Variants in DOCK2 observed in about 807,000 individuals in gnomAD.
DOCK2 encodes the protein dedicator of cytokinesis protein 2.
In DOCK2, 87 loss-of-function variants were observed where a neutral mutation model predicts 248.9. The ratio of observed to expected loss-of-function variants is 0.35; its 90% CI spans 0.29 to 0.42. The LOEUF is 0.42. Among genes scored for constraint, DOCK2 ranks in the 10% least tolerant of loss-of-function variants. DOCK2 has a pLI of 1.00. For missense variants in DOCK2, 1,747 were observed against 2,300.2 expected, an observed-to-expected ratio of 0.76 and a Z score of 4.92; for synonymous variants, 805 against 821.6, an observed-to-expected ratio of 0.98 and a Z score of 0.35.
At chr5:169,964,018 AG>A (rs1323130321) in intron 27 of DOCK2, among the ~76,000 whole-genome samples, 1 of 152,108 alleles carries the variant, frequency 6.6e-6, no homozygotes, top group Non-Finnish European at 1.5e-5. Flanking sequence ...TGGAAGTGGC[AG>A]GATTGGGGGA....
At chr5:169,991,830 G>A (rs755505957) in intron 29 of DOCK2, among the ~76,000 whole-genome samples, 1 of 152,212 alleles carries the variant, frequency 6.6e-6, no homozygotes, top group Non-Finnish European at 1.5e-5. Context: ...CTGTTTGAAT[G>A]TGGGGAAATT....
chr5:169,733,580 A>G (rs972151928), intron 22 of DOCK2, among the ~76,000 whole-genome samples: 2 of 152,058 alleles, frequency 1.3e-5, no homozygotes, highest in Admixed American at 1.3e-4. Flanking sequence ...TAGACATTTC[A>G]TATTTGCTTA....
At chr5:169,791,267 G>A (rs911808755) in intron 25 of DOCK2, among the ~76,000 whole-genome samples, 1 of 152,172 alleles carries the variant, frequency 6.6e-6, no homozygotes, top group African/African-American at 2.4e-5. Context: ...AAAAGGTAGC[G>A]AATGGCTTGA....
intron 43 of DOCK2, 187 bp downstream of exon 43, chr5:170,056,955 C>A (rs1409251531): frequency 6.8e-6 from 4 of 592,310 alleles, no homozygotes; most frequent in Non-Finnish European, 1.2e-5. Context: ...ATTTCTTGAG[C>A]CTTTTTCCCC....
intron 27 of DOCK2, among the ~76,000 whole-genome samples, chr5:169,912,147 C>T (rs574709968): frequency 3.3e-5 from 5 of 152,248 alleles, no homozygotes; most frequent in South Asian, 2.1e-4. Context: ...AAAAGGAAAG[C>T]GACTATTATT....
At chr5:169,970,713 T>G (rs1195774142) in intron 27 of DOCK2, among the ~76,000 whole-genome samples, 1 of 152,224 alleles carries the variant, frequency 6.6e-6, no homozygotes, top group East Asian at 1.9e-4. Flanking sequence ...GGTGAAATAA[T>G]CAGGGGAGAT....
intron 26 of DOCK2, among the ~76,000 whole-genome samples, chr5:169,826,052 A>G (rs1049633194): frequency 2.6e-5 from 4 of 152,092 alleles, no homozygotes; most frequent in African/African-American, 9.7e-5. Flanking sequence ...AGTAGTTTAG[A>G]CAATGTTACT....
intron 38 of DOCK2, among the ~76,000 whole-genome samples, chr5:170,044,755 A>T (rs762772652): frequency 2.0e-5 from 3 of 152,062 alleles, no homozygotes; most frequent in Non-Finnish European, 2.9e-5. Flanking sequence ...TTATGCTTGG[A>T]TGCAGAGAGA....
At chr5:169,977,871 A>G (rs1777771435) in intron 27 of DOCK2, among the ~76,000 whole-genome samples, 4 of 152,182 alleles carry the variant, frequency 2.6e-5, no homozygotes, top group South Asian at 2.1e-4. Flanking sequence ...TCCCACTTCC[A>G]GTCCTAGACC....
chr5:169,844,806 G>C (rs1770206957), intron 27 of DOCK2, among the ~76,000 whole-genome samples: 1 of 150,918 alleles, frequency 6.6e-6, no homozygotes, highest in Admixed American at 6.6e-5. Flanking sequence ...AAGAGTTTAA[G>C]GCTTGTGCCT....
chr5:170,078,879 C>T, intron 48 of DOCK2, 96 bp from the exon 49 acceptor site: 1 of 1,415,216 alleles, frequency 7.1e-7, no homozygotes, highest in Non-Finnish European at 9.7e-7. Context: ...ACAGCTCAGG[C>T]AGCCCAAAGG....
chr5:169,867,917 G>T (rs114830460), intron 27 of DOCK2, among the ~76,000 whole-genome samples: 88 of 152,292 alleles, frequency 5.8e-4, no homozygotes, highest in African/African-American at 2.0e-3. Context: ...TGAGTTGCAA[G>T]CTCTGATTCT....
chr5:169,735,041 A>G (rs1275226434), intron 22 of DOCK2, among the ~76,000 whole-genome samples: 1 of 152,180 alleles, frequency 6.6e-6, no homozygotes, highest in East Asian at 1.9e-4. Flanking sequence ...AGTTGTTTTC[A>G]CTGACAGGTT....
intron 8 of DOCK2, among the ~76,000 whole-genome samples, chr5:169,687,888 A>G (rs978047080): frequency 1.1e-4 from 16 of 152,164 alleles, no homozygotes; most frequent in African/African-American, 3.9e-4. Flanking sequence ...CTCTCCCTCT[A>G]ATTTTTCTCT....
intron 9 of DOCK2, among the ~76,000 whole-genome samples, chr5:169,692,630 G>A (rs1760376499): frequency 6.6e-6 from 1 of 152,124 alleles, no homozygotes; most frequent in Non-Finnish European, 1.5e-5. Context: ...TGGAATGGGG[G>A]CTTACCTGGG....
chr5:169,718,826 T>G, intron 22 of DOCK2, 35 bp downstream of exon 22: 1 of 1,592,862 alleles, frequency 6.3e-7, no homozygotes, highest in African/African-American at 1.3e-5. Flanking sequence ...ATTGATTAGC[T>G]CTGCAATTCC....
At chr5:169,772,850 A>G (rs1044090202) in intron 25 of DOCK2, 1 of 152,208 alleles carries the variant, frequency 6.6e-6, no homozygotes, top group African/African-American at 2.4e-5. Flanking sequence ...AGGCCATTTT[A>G]TAGAACCTTA....
intron 44 of DOCK2, among the ~76,000 whole-genome samples, chr5:170,058,461 T>C (rs974772030): frequency 5.9e-5 from 9 of 152,072 alleles, no homozygotes; most frequent in Non-Finnish European, 1.3e-4. Flanking sequence ...AAAGGTGATA[T>C]ATGAGGGATT....
At chr5:169,863,097 A>C (rs1161943218) in intron 27 of DOCK2, among the ~76,000 whole-genome samples, 6 of 152,240 alleles carry the variant, frequency 3.9e-5, no homozygotes, top group Admixed American at 6.5e-5. Flanking sequence ...TCAGCCATGC[A>C]AGTTTGACTG....
Sources: gnomAD v4.1 joint callset for allele counts (sites outside exome capture counted in the v4.1 genomes callset) on GRCh38, gnomAD v4.1.1 for gene constraint, MANE v1.5 for transcripts, NCBI Gene and HGNC (gene_info 2026-07-23, HGNC 2026-07-21) for gene names.